LOXL2: variants seen among roughly 807,000 people sequenced by gnomAD.
The protein encoded by LOXL2 is lysyl oxidase homolog 2.
LOXL2 carries 70 observed loss-of-function variants against 93.0 expected under a neutral mutation model. That is an observed-to-expected ratio of 0.75 (90% CI 0.62 to 0.92). The LOEUF is 0.92. LOXL2 is among the 40% of genes least tolerant of loss of function. The pLI is 0.00. For missense variants in LOXL2, 973 were observed against 1,054.9 expected, an observed-to-expected ratio of 0.92 and a Z score of 1.08; for synonymous variants, 438 against 413.2, an observed-to-expected ratio of 1.06 and a Z score of -0.73.
At chr8:23,313,162 G>A (rs1276519282) in intron 9 of LOXL2, among the ~76,000 whole-genome samples, 1 of 152,100 alleles carries the variant, frequency 6.6e-6, no homozygotes, top group Non-Finnish European at 1.5e-5. Context: ...GACACAAATG[G>A]AAGAACATTC....
rs763508360 is a variant in LOXL2 at position 23,353,139 on chromosome 8, C to T, written c.531+6951G>A. Reference sequence around the variant, plus strand: ...TTCCTGTGAGCACATGACTGGGCAACGTGCGGAGCAGCCGGGGAGCAGAGG... The same window carrying T: ...TTCCTGTGAGCACATGACTGGGCAATGTGCGGAGCAGCCGGGGAGCAGAGG... On this transcript the variant is annotated intron_variant, in intron 3 of 13. Coordinates refer to ENST00000389131, the MANE Select transcript of LOXL2 (RefSeq NM_002318.3). Among the ~76,000 whole-genome samples, 7 of 152,252 alleles carry T rather than the reference C, an allele frequency of 4.6e-5. No individual in the cohort carries two copies. In the East Asian group the frequency reaches 7.7e-4, roughly 17 times the overall value.
At chr8:23,363,686 A>T (rs147987114) in intron 2 of LOXL2, 1 of 152,322 alleles carries the variant, frequency 6.6e-6, no homozygotes, top group African/African-American at 2.4e-5. Flanking sequence ...TGCAAACCAG[A>T]GACCCTAAGG....
At chr8:23,374,016 T>C (rs1407366490) in intron 1 of LOXL2, among the ~76,000 whole-genome samples, 1 of 152,110 alleles carries the variant, frequency 6.6e-6, no homozygotes, top group Non-Finnish European at 1.5e-5. Flanking sequence ...TTGTTACATA[T>C]GTATACATGT....
chr8:23,325,604 C>T (rs1393440709), intron 6 of LOXL2, among the ~76,000 whole-genome samples: 2 of 152,176 alleles, frequency 1.3e-5, no homozygotes, highest in East Asian at 1.9e-4. Flanking sequence ...CAGACAGCAC[C>T]GGTCTAGTGT....
chr8:23,305,436 C>A (rs769671268), intron 10 of LOXL2, among the ~76,000 whole-genome samples: 1 of 152,162 alleles, frequency 6.6e-6, no homozygotes, highest in Non-Finnish European at 1.5e-5. Flanking sequence ...GCCTCTTAGG[C>A]GTATGCGGTC....
At chr8:23,379,844 T>C (rs746608111) in intron 1 of LOXL2, among the ~76,000 whole-genome samples, 7 of 152,104 alleles carry the variant, frequency 4.6e-5, no homozygotes, top group Non-Finnish European at 1.0e-4. Flanking sequence ...TGTCAGCCCT[T>C]CCCTTTACTA....
chr8:23,344,646 C>T (rs1380378166), intron 3 of LOXL2, among the ~76,000 whole-genome samples: 4 of 150,152 alleles, frequency 2.7e-5, no homozygotes, highest in South Asian at 2.1e-4. Context: ...GTGTGTGTGC[C>T]GGTGTGTCAT....
At chr8:23,332,327 C>T (rs1398399218) in intron 5 of LOXL2, among the ~76,000 whole-genome samples, 1 of 107,782 alleles carries the variant, frequency 9.3e-6, no homozygotes, top group African/African-American at 3.6e-5. Flanking sequence ...TACACACATA[C>T]ACAACCCCCA....
At chr8:23,363,608 T>C (rs1288831053) in intron 2 of LOXL2, 1 of 152,190 alleles carries the variant, frequency 6.6e-6, no homozygotes, top group Non-Finnish European at 1.5e-5. Flanking sequence ...CCATCTGCAG[T>C]GAGAGAAACC....
chr8:23,332,467 ACCCCCCACACACTCCCATAC>A (rs1563192856), intron 5 of LOXL2, among the ~76,000 whole-genome samples: 3 of 65,846 alleles, frequency 4.6e-5, no homozygotes, highest in Non-Finnish European at 8.5e-5. Flanking sequence ...CCACACACAT[ACCCCCCACACACTCCCATAC>A]CCCCCCACTC....
chr8:23,358,693 C>T (rs375424867), intron 3 of LOXL2, among the ~76,000 whole-genome samples: 44 of 152,212 alleles, frequency 2.9e-4, no homozygotes, highest in African/African-American at 9.7e-4. Context: ...AAAGCTAACC[C>T]TGAAATTTAG....
At chr8:23,309,058 C>A (rs984529793) in intron 10 of LOXL2, among the ~76,000 whole-genome samples, 2 of 150,842 alleles carry the variant, frequency 1.3e-5, no homozygotes, top group Non-Finnish European at 2.9e-5. Context: ...GATCTCAGCT[C>A]ACAGCAACCT....
intron 6 of LOXL2, among the ~76,000 whole-genome samples, chr8:23,327,788 C>T (rs1427107989): frequency 6.6e-6 from 1 of 152,160 alleles, no homozygotes; most frequent in Non-Finnish European, 1.5e-5. Flanking sequence ...ACCAACGGAC[C>T]CACTTGAAAG....
intron 6 of LOXL2, among the ~76,000 whole-genome samples, chr8:23,325,605 G>A (rs149184145): frequency 4.9e-4 from 74 of 152,264 alleles, no homozygotes; most frequent in African/African-American, 1.5e-3. Flanking sequence ...AGACAGCACC[G>A]GTCTAGTGTT....
chr8:23,296,933 TTA>T lies in LOXL2; in HGVS notation c.*1108_*1109del, dbSNP rs1328932147. Reference sequence around the variant, plus strand: ...AAAAACCACAGGAGTTCAAGAAAGATTATGACTCCTGTTCCGTTACTTTTTGT... The same window carrying T: ...AAAAACCACAGGAGTTCAAGAAAGATTGACTCCTGTTCCGTTACTTTTTGT... On this transcript the variant is annotated 3_prime_UTR_variant, in exon 14 of 14. Transcript: ENST00000389131. 7.2e-5 allele frequency among the ~76,000 whole-genome samples: 11 copies of T among 152,190 alleles called. No individual in the cohort carries two copies. Among genetic ancestry groups the T allele is most frequent in the Admixed American group, 3.3e-4 (5 of 15,280 alleles).
At chr8:23,361,831 T>C (rs1466718980) in intron 2 of LOXL2, among the ~76,000 whole-genome samples, 1 of 149,158 alleles carries the variant, frequency 6.7e-6, no homozygotes, top group Non-Finnish European at 1.5e-5. Flanking sequence ...AGAGCAAGAC[T>C]CCGTCTCAAA....
At chr8:23,397,407 C>T (rs1449606998) in intron 1 of LOXL2, among the ~76,000 whole-genome samples, 1 of 152,124 alleles carries the variant, frequency 6.6e-6, no homozygotes, top group Non-Finnish European at 1.5e-5. Context: ...CCCAAAAAGC[C>T]TATGTGGGTA....
At chr8:23,350,475 CA>C (rs1804074236) in intron 3 of LOXL2, among the ~76,000 whole-genome samples, 1 of 152,142 alleles carries the variant, frequency 6.6e-6, no homozygotes. Flanking sequence ...GAGGCTGAGG[CA>C]GGAGAATCAC....
intron 7 of LOXL2, among the ~76,000 whole-genome samples, chr8:23,320,615 C>T (rs4503108): frequency 0.73 from 110,310 of 152,122 alleles, 40,152 homozygotes; most frequent in Non-Finnish European, 0.76. Context: ...ACAACTTTAT[C>T]TTAAAAAAGA....
Sources: gnomAD v4.1 joint callset for allele counts (sites outside exome capture counted in the v4.1 genomes callset) on GRCh38, gnomAD v4.1.1 for gene constraint, MANE v1.5 for transcripts, NCBI Gene and HGNC (gene_info 2026-07-23, HGNC 2026-07-21) for gene names.